RNGTT: variants seen among roughly 807,000 people sequenced by gnomAD.
RNGTT encodes the protein mRNA-capping enzyme.
In RNGTT, 33 loss-of-function variants were observed where a neutral mutation model predicts 79.3. The ratio of observed to expected loss-of-function variants is 0.42; its 90% CI spans 0.32 to 0.56. The LOEUF (loss-of-function observed/expected upper bound fraction) is 0.56, where lower values mean the gene tolerates loss of function less well. RNGTT is among the 20% of genes least tolerant of loss of function. The probability of loss-of-function intolerance (pLI) is 0.17; values close to 1 mark genes in which losing one functional copy is unlikely to be tolerated. For synonymous variants in RNGTT, 222 were observed against 235.9 expected (o/e 0.94, Z 0.54); for missense variants, 497 against 739.1 (o/e 0.67, Z 3.80).
chr6:88,953,175 A>G (rs1785312543), intron 1 of RNGTT, among the ~76,000 whole-genome samples: 1 of 152,238 alleles, frequency 6.6e-6, no homozygotes, highest in African/African-American at 2.4e-5. Flanking sequence ...CAGCTATTCA[A>G]GGAGATACCA....
intron 4 of RNGTT, among the ~76,000 whole-genome samples, chr6:88,908,039 C>T (rs1211292101): frequency 6.6e-6 from 1 of 152,096 alleles, no homozygotes; most frequent in Non-Finnish European, 1.5e-5. Flanking sequence ...CAGCCTGTAT[C>T]TTTCTAATAT....
At chr6:88,747,762 A>G (rs939421696) in intron 13 of RNGTT, among the ~76,000 whole-genome samples, 1 of 152,222 alleles carries the variant, frequency 6.6e-6, no homozygotes, top group African/African-American at 2.4e-5. Context: ...GATGCTGTAG[A>G]TGACCTGCAG....
chr6:88,837,334 C>G (rs1213405745), intron 11 of RNGTT, among the ~76,000 whole-genome samples: 1 of 152,080 alleles, frequency 6.6e-6, no homozygotes, highest in Non-Finnish European at 1.5e-5. Flanking sequence ...GAGTTCAAGG[C>G]TGTAGTGAGC....
intron 1 of RNGTT, among the ~76,000 whole-genome samples, chr6:88,957,297 T>C (rs907778881): frequency 1.3e-5 from 2 of 152,166 alleles, no homozygotes; most frequent in African/African-American, 2.4e-5. Flanking sequence ...GCATTCCCCC[T>C]GGGAACTGGA....
intron 4 of RNGTT, among the ~76,000 whole-genome samples, chr6:88,921,871 T>C (rs1163175480): frequency 6.6e-6 from 1 of 152,196 alleles, no homozygotes; most frequent in South Asian, 2.1e-4. Context: ...TTGTATTAGG[T>C]ATTATAAGTA....
At chr6:88,840,320 T>C (rs1781232882) in intron 11 of RNGTT, among the ~76,000 whole-genome samples, 1 of 152,092 alleles carries the variant, frequency 6.6e-6, no homozygotes, top group Admixed American at 6.6e-5. Context: ...GTAAGAGACA[T>C]TAAGGACAAA....
At chr6:88,728,348 A>T (rs1158940832) in intron 13 of RNGTT, among the ~76,000 whole-genome samples, 2 of 152,214 alleles carry the variant, frequency 1.3e-5, no homozygotes, top group Non-Finnish European at 1.5e-5. Flanking sequence ...CAGACTGGGC[A>T]TTAGAGAATT....
chr6:88,833,302 T>A (rs1248940933), intron 11 of RNGTT, among the ~76,000 whole-genome samples: 1 of 152,290 alleles, frequency 6.6e-6, no homozygotes, highest in East Asian at 1.9e-4. Context: ...AAAACCATCA[T>A]TCTCAGCAAA....
intron 4 of RNGTT, among the ~76,000 whole-genome samples, chr6:88,920,152 G>C (rs1784122662): frequency 6.6e-6 from 1 of 152,050 alleles, no homozygotes; most frequent in Non-Finnish European, 1.5e-5. Flanking sequence ...TACAATAAAG[G>C]CAAAAAAAAT....
intron 13 of RNGTT, among the ~76,000 whole-genome samples, chr6:88,701,111 A>G (rs1775930183): frequency 6.6e-6 from 1 of 152,076 alleles, no homozygotes; most frequent in South Asian, 2.1e-4. Flanking sequence ...GAAGAAGAAG[A>G]AGAAAGAAGA....
At chr6:88,827,135 T>G (rs1461452288) in intron 11 of RNGTT, among the ~76,000 whole-genome samples, 1 of 151,590 alleles carries the variant, frequency 6.6e-6, no homozygotes, top group Non-Finnish European at 1.5e-5. Context: ...AGTCTGCAGC[T>G]CCCAGCGAGA....
intron 13 of RNGTT, among the ~76,000 whole-genome samples, chr6:88,709,312 A>C (rs1456693782): frequency 1.3e-5 from 2 of 152,142 alleles, no homozygotes; most frequent in Admixed American, 1.3e-4. Flanking sequence ...CTTCAAAAAA[A>C]AAAAAGGAGG....
At chr6:88,907,475 G>A (rs957305932) in intron 4 of RNGTT, among the ~76,000 whole-genome samples, 12 of 152,148 alleles carry the variant, frequency 7.9e-5, no homozygotes, top group African/African-American at 1.9e-4. Flanking sequence ...CACTTAAGAC[G>A]TGCCTGTTTC....
chr6:88,838,885 G>C (rs955900642), intron 11 of RNGTT, among the ~76,000 whole-genome samples: 4 of 152,106 alleles, frequency 2.6e-5, no homozygotes, highest in Admixed American at 2.0e-4. Context: ...AATCAAGACA[G>C]TATGGTACTT....
chr6:88,787,330 G>A (rs565852392), intron 12 of RNGTT, among the ~76,000 whole-genome samples: 18 of 152,116 alleles, frequency 1.2e-4, no homozygotes, highest in Admixed American at 3.9e-4. Flanking sequence ...CAAGGAGAAA[G>A]CACTAGAGAT....
At chr6:88,656,343 C>T (rs1176241840) in intron 14 of RNGTT, among the ~76,000 whole-genome samples, 7 of 152,174 alleles carry the variant, frequency 4.6e-5, no homozygotes, top group African/African-American at 1.7e-4. Context: ...TAAGCATGTC[C>T]TTTCTTACTC....
At chr6:88,674,417 T>C (rs1774778900) in intron 14 of RNGTT, among the ~76,000 whole-genome samples, 1 of 151,910 alleles carries the variant, frequency 6.6e-6, no homozygotes, top group Admixed American at 6.6e-5. Context: ...CATGCACCTG[T>C]AGTTCCAGCT....
intron 4 of RNGTT, among the ~76,000 whole-genome samples, chr6:88,928,166 C>T (rs956121489): frequency 2.0e-5 from 3 of 152,166 alleles, no homozygotes; most frequent in South Asian, 2.1e-4. Context: ...GAGCCAAGAT[C>T]GCAGCACTGC....
rs150438151 is a variant in RNGTT, at chr6:88,733,363, C to G, written c.1439+36411G>C. ...AACAGAGAGAGACTCTGTCTTCACC[C>G]CCCACCCCCCCTCCAAAAAAAAGAA... On this transcript the variant is annotated intron_variant, in intron 13 of 15. Coordinates refer to ENST00000369485, the MANE Select transcript of RNGTT (RefSeq NM_003800.5). Among the ~76,000 whole-genome samples the G allele has an allele frequency of 7.4e-4, 112 of 150,376 alleles. 1 individual carries two copies. In the East Asian group the frequency reaches 0.021, roughly 28 times the overall value.
Sources: gnomAD v4.1 joint callset for allele counts (sites outside exome capture counted in the v4.1 genomes callset) on GRCh38, gnomAD v4.1.1 for gene constraint, MANE v1.5 for transcripts, NCBI Gene and HGNC (gene_info 2026-07-23, HGNC 2026-07-21) for gene names.